PIWIL3: variants seen among roughly 807,000 people sequenced by gnomAD.
PIWIL3 encodes the protein piwi like RNA-mediated gene silencing 3.
A neutral mutation model predicts 109.7 loss-of-function variants in PIWIL3; 101 were observed. The ratio of observed to expected loss-of-function variants is 0.92; its 90% CI spans 0.78 to 1.09. The LOEUF (loss-of-function observed/expected upper bound fraction) is 1.09. Ranked by LOEUF, PIWIL3 falls within the 50% of genes least tolerant of loss-of-function variation. The pLI, the probability that PIWIL3 is intolerant of heterozygous loss-of-function variation, is 0.00. For synonymous variants in PIWIL3, 373 were observed against 376.4 expected (o/e 0.99, Z 0.10); for missense variants, 1,031 against 1,072.6 (o/e 0.96, Z 0.54).
intron 13 of PIWIL3, among the ~76,000 whole-genome samples, chr22:24,734,820 CT>C (rs34841642): frequency 0.055 from 7,446 of 134,970 alleles, 264 homozygotes; most frequent in South Asian, 0.13. Context: ...CAGAACATAA[CT>C]TTTTTTTTTT....
intron 16 of PIWIL3, among the ~76,000 whole-genome samples, chr22:24,726,114 T>C (rs1272661936): frequency 6.6e-6 from 1 of 152,182 alleles, no homozygotes; most frequent in Non-Finnish European, 1.5e-5. Flanking sequence ...ACATTTTCAC[T>C]GCTAGTGTCA....
intron 2 of PIWIL3, 149 bp from the exon 3 acceptor site, chr22:24,760,138 C>A: frequency 9.3e-7 from 1 of 1,072,072 alleles, no homozygotes; most frequent in Non-Finnish European, 1.3e-6. Context: ...AAGCAACATA[C>A]ATAGCACCTT....
At chr22:24,752,230 G>GA (rs1304567422) in intron 8 of PIWIL3, among the ~76,000 whole-genome samples, 3 of 151,992 alleles carry the variant, frequency 2.0e-5, no homozygotes, top group Non-Finnish European at 2.9e-5. Context: ...AAAGCAGCCT[G>GA]AAAAAATCAA....
At chr22:24,725,403 C>T (rs1470857364) in intron 17 of PIWIL3, 42 bp downstream of exon 17, 2 of 1,605,694 alleles carry the variant, frequency 1.2e-6, no homozygotes, top group Non-Finnish European at 1.7e-6. Context: ...TGGAGAACTA[C>T]TTGTATAGTG....
rs181340274 is a variant in PIWIL3, at chr22:24,769,148, C to T, written c.-23+5174G>A. On this transcript the variant is annotated intron_variant, in intron 1 of 20. Coordinates refer to ENST00000616349, the MANE Select transcript of PIWIL3 (RefSeq NM_001255975.1). ...AAATGGTGTTGTATTTGTATACATC[C>T]TATGCACATCCTCCTGTATACCTTT... Among the ~76,000 whole-genome samples the T allele has an allele frequency of 6.6e-5, 10 of 152,204 alleles. 1 individual carries two copies. Among genetic ancestry groups the T allele is most frequent in the African/African-American group, 1.4e-4 (6 of 41,452 alleles).
At chr22:24,759,510 A>G (rs900560405) in intron 3 of PIWIL3, among the ~76,000 whole-genome samples, 8 of 152,226 alleles carry the variant, frequency 5.3e-5, no homozygotes, top group Non-Finnish European at 1.2e-4. Flanking sequence ...AATGTAGGTA[A>G]CAGGTTCAAC....
intron 13 of PIWIL3, among the ~76,000 whole-genome samples, chr22:24,734,458 T>C (rs1055588207): frequency 6.6e-5 from 10 of 152,216 alleles, no homozygotes; most frequent in Middle Eastern, 3.4e-3. Context: ...GCCTCCAATA[T>C]TGAAGAGACA....
At chr22:24,757,079 C>CAAAAAAAAAAAAAAAAAAAAAAAAAA (rs71189275) in intron 4 of PIWIL3, among the ~76,000 whole-genome samples, 24 of 91,728 alleles carry the variant, frequency 2.6e-4, no homozygotes, top group East Asian at 8.5e-4. Context: ...AACTCCGTCT[C>CAAAAAAAAAAAAAAAAAAAAAAAAAA]AAAAAAAAAA....
rs758840844 is a variant in PIWIL3 at position 24,734,084 on chromosome 22, C to T, written c.1707G>A (p.Met569Ile). Residue 569 changes from methionine (M) to isoleucine (I), a missense_variant and splice_region_variant, in exon 14 of 21, where the codon ATG becomes ATA. Physicochemically the swap from Met to Ile is conservative, Grantham distance 10 (BLOSUM62 1). Coordinates refer to ENST00000616349, the MANE Select transcript of PIWIL3 (RefSeq NM_001255975.1). ...LRKYTRPTLQ[M>I]VICILPNDDK... is the part of the protein sequence containing the mutation. ...GTACATGTATCAACTAGACACTTAC[C>T]ATCTGCAGTGTTGGTCTAGTATATT... The T allele has an allele frequency of 1.6e-5, 26 of 1,608,930 alleles. No homozygotes were observed. The highest frequency in any genetic ancestry group is 6.7e-5 in the African/African-American group (5 of 74,712).
At position 24,756,530 on chromosome 22, in the gene PIWIL3, A is replaced by G; in HGVS notation, c.531T>C (p.Asp177=). ...GCCGAGATAATAATAAAGAGTTTCC[A>G]TCAAATATATGGCGCTCTCCAAATT... ...RRKFGERHIF[D]GNSLLLSRPL... is the part of the protein sequence containing the mutation. Residue 177 remains aspartate (D), a synonymous_variant, in exon 5 of 21, where the codon GAT becomes GAC. Transcript: ENST00000616349. The G allele has an allele frequency of 6.2e-7, 1 of 1,614,162 alleles. No individual in the cohort carries two copies. Among genetic ancestry groups the G allele is most frequent in the Non-Finnish European group, 8.5e-7 (1 of 1,180,010 alleles).
Position 24,759,878 on chromosome 22 carries a change from GTGCTCCTCCTCC to G in PIWIL3, c.202_213del (p.Gly68_Ala71del), listed in dbSNP as rs772189592. On this transcript the variant is annotated inframe_deletion, in exon 3 of 21. Coordinates refer to ENST00000616349, the MANE Select transcript of PIWIL3 (RefSeq NM_001255975.1). ...TCTTGCTTCCTTTCACCTTGAGACT[GTGCTCCTCCTCC>G]TGCTCCTCCTCTTGCTGCTCTTGGC... 8 of 1,613,896 alleles carry G rather than the reference GTGCTCCTCCTCC, an allele frequency of 5.0e-6. No homozygotes were observed. In the East Asian group the frequency reaches 6.7e-5, roughly 13 times the overall value.
chr22:24,756,056 A>G, intron 5 of PIWIL3, 151 bp from the exon 6 acceptor site: 1 of 806,356 alleles, frequency 1.2e-6, no homozygotes, highest in Non-Finnish European at 2.0e-6. Context: ...TGTGGAAAAC[A>G]TGATTCACAA....
At chr22:24,722,816 T>C (rs1922753535) in intron 19 of PIWIL3, among the ~76,000 whole-genome samples, 1 of 152,170 alleles carries the variant, frequency 6.6e-6, no homozygotes, top group Non-Finnish European at 1.5e-5. Context: ...TGACTCCAAA[T>C]TGTCAATATA....
chr22:24,738,842 C>T (rs1374332614), intron 12 of PIWIL3, among the ~76,000 whole-genome samples: 2 of 152,116 alleles, frequency 1.3e-5, no homozygotes, highest in African/African-American at 4.8e-5. Context: ...GCATCAAGAC[C>T]ATCCAGGAAA....
At position 24,767,378 on chromosome 22, in the gene PIWIL3, A is replaced by AAAAT. The variant is rs542800935; in HGVS notation, c.-22-4861_-22-4858dup. On this transcript the variant is annotated intron_variant, in intron 1 of 20. Transcript: ENST00000616349. ...TGGTGAAACCCCGTCTCTACTAAAA[A>AAAAT]AAATAAATAAATAAATAAATAAATT... Among the ~76,000 whole-genome samples the AAAAT allele has an allele frequency of 1.1e-4, 17 of 151,086 alleles. No individual in the cohort carries two copies. In the South Asian group the frequency reaches 2.7e-3, roughly 24 times the overall value.
intron 1 of PIWIL3, among the ~76,000 whole-genome samples, chr22:24,771,340 T>C (rs572430987): frequency 7.9e-5 from 12 of 151,738 alleles, no homozygotes; most frequent in African/African-American, 2.4e-4. Context: ...TAGCCAGGCA[T>C]GGTGGCGGGC....
At chr22:24,750,008 T>A (rs979638931) in intron 9 of PIWIL3, among the ~76,000 whole-genome samples, 189 bp from the exon 10 acceptor site, 26 of 152,214 alleles carry the variant, frequency 1.7e-4, no homozygotes, top group Admixed American at 5.9e-4. Context: ...ATGCCACGGA[T>A]CTTTTCTTGT....
intron 14 of PIWIL3, among the ~76,000 whole-genome samples, chr22:24,733,305 G>A (rs915675063): frequency 2.0e-5 from 3 of 152,136 alleles, no homozygotes; most frequent in Non-Finnish European, 4.4e-5. Context: ...GAAAGAAAAA[G>A]AATTTGCTGT....
chr22:24,745,142 A>G (rs1486125713), intron 12 of PIWIL3, among the ~76,000 whole-genome samples: 4 of 152,216 alleles, frequency 2.6e-5, no homozygotes, highest in Non-Finnish European at 5.9e-5. Context: ...GGGTCAAATT[A>G]AGGAAATTGA....
Sources: gnomAD v4.1 joint callset for allele counts (sites outside exome capture counted in the v4.1 genomes callset) on GRCh38, gnomAD v4.1.1 for gene constraint, MANE v1.5 for transcripts, NCBI Gene and HGNC (gene_info 2026-07-23, HGNC 2026-07-21) for gene names.